Variants in AP1G1 observed in about 807,000 individuals in gnomAD.
AP1G1 encodes the protein adaptor related protein complex 1 subunit gamma 1.
A neutral mutation model predicts 108.3 loss-of-function variants in AP1G1; 7 were observed. The observed-to-expected ratio is 0.06, with a 90% CI of 0.04 to 0.12. AP1G1 has a LOEUF of 0.12. AP1G1 is among the 10% of genes least tolerant of loss of function. The pLI is 1.00. For synonymous variants in AP1G1, 379 were observed against 353.5 expected, an observed-to-expected ratio of 1.07 and a Z score of -0.81; for missense variants, 756 against 1,010.7, an observed-to-expected ratio of 0.75 and a Z score of 3.42.
At chr16:71,774,619 G>A (rs750601851) in intron 2 of AP1G1, 27 bp from the exon 3 acceptor site, 4 of 1,546,364 alleles carry the variant, frequency 2.6e-6, no homozygotes, top group Admixed American at 2.3e-5. Context: ...AAAAAAAGAA[G>A]GAAATTAAAA....
At chr16:71,745,027 T>C in intron 19 of AP1G1, 117 bp downstream of exon 19, 1 of 1,102,674 alleles carries the variant, frequency 9.1e-7, no homozygotes, top group Non-Finnish European at 1.3e-6. Context: ...CTCTTGCTTC[T>C]GATTTAGCCT....
Position 71,808,795 on chromosome 16 carries a change from C to CGGG in AP1G1, c.-39_-37dup. ...AAACCTCGAATGAAACCAGCAGCTC[C>CGGG]GGGGGCGGCGGCAGCAGTGGCAGCA... is the stretch of plus-strand genomic sequence containing the variant. On this transcript the variant is annotated 5_prime_UTR_variant, in exon 1 of 23. Coordinates refer to ENST00000299980, the MANE Select transcript of AP1G1 (RefSeq NM_001128.6). 1 of 1,289,706 alleles carries CGGG rather than the reference C, an allele frequency of 7.8e-7. No individual in the cohort carries two copies. The highest frequency in any genetic ancestry group is 2.3e-5 in the Admixed American group (1 of 43,560). The allele number at this position is 1,289,706 out of a possible 1,614,324, so 79.9% of individuals were successfully genotyped here. A position where few individuals can be genotyped will look rare whatever the true frequency, so the allele number is the denominator to read the frequency against.
rs1278809355 is a variant in AP1G1, at chr16:71,729,298, G to A, written c.*3760C>T. ...ATGAAAATGTAACTTACAACACTAAGAAAGAAAAGGGCCTTTATAGGAACA... is the reference window on the plus strand; with the variant it reads ...ATGAAAATGTAACTTACAACACTAAAAAAGAAAAGGGCCTTTATAGGAACA... On this transcript the variant is annotated 3_prime_UTR_variant, in exon 23 of 23. Coordinates refer to ENST00000299980, the MANE Select transcript of AP1G1 (RefSeq NM_001128.6). The A allele has an allele frequency of 6.6e-6, 1 of 152,182 alleles. No individual in the cohort carries two copies. The highest frequency in any genetic ancestry group is 1.5e-5 in the Non-Finnish European group (1 of 67,922). 9.4% of individuals were successfully genotyped at this position (152,182 alleles called of 1,614,324 possible).
chr16:71,775,286 C>T (rs1251125879), intron 2 of AP1G1, among the ~76,000 whole-genome samples: 1 of 151,920 alleles, frequency 6.6e-6, no homozygotes, highest in African/African-American at 2.4e-5. Flanking sequence ...CCCGCCTCAG[C>T]CTCCCAAAGT....
In AP1G1 at chr16:71,729,433, A is replaced by G. The variant is rs923446293; in HGVS notation, c.*3625T>C. On this transcript the variant is annotated 3_prime_UTR_variant, in exon 23 of 23. Coordinates refer to ENST00000299980, the MANE Select transcript of AP1G1 (RefSeq NM_001128.6). ...GCAACCGCAGGTTCTTTGAGGGAAG[A>G]AAAAAAAAAAAAAAAAAACCAACTC... is the stretch of plus-strand genomic sequence containing the variant. 1.2e-4 allele frequency: 9 copies of G among 72,104 alleles called. No homozygotes were observed. Among genetic ancestry groups the G allele is most frequent in the East Asian group, 3.0e-4 (1 of 3,292 alleles). The allele number at this position is 72,104 out of a possible 1,614,324, so 4.5% of individuals were successfully genotyped here. A position where few individuals can be genotyped will look rare whatever the true frequency, so the allele number is the denominator to read the frequency against.
At chr16:71,797,864 G>A (rs766571115) in intron 1 of AP1G1, among the ~76,000 whole-genome samples, 3 of 152,016 alleles carry the variant, frequency 2.0e-5, no homozygotes, top group Non-Finnish European at 4.4e-5. Context: ...ATGAATCCAA[G>A]TTCTATTAAT....
chr16:71,749,862 T>TC (rs758913758), intron 15 of AP1G1, 32 bp downstream of exon 15: 13 of 1,532,476 alleles, frequency 8.5e-6, no homozygotes, highest in Non-Finnish European at 1.1e-5. Context: ...ACCACTATTT[T>TC]CCCCCACTTA....
intron 1 of AP1G1, among the ~76,000 whole-genome samples, chr16:71,796,898 A>G (rs1460239553): frequency 6.6e-6 from 1 of 152,018 alleles, no homozygotes; most frequent in Non-Finnish European, 1.5e-5. Flanking sequence ...GACTGGGCAC[A>G]GTGGCTCAGG....
intron 17 of AP1G1, 148 bp downstream of exon 17, chr16:71,746,440 A>G: frequency 4.3e-6 from 2 of 464,360 alleles, no homozygotes; most frequent in East Asian, 6.7e-5. Context: ...GAAGATGGAC[A>G]AAACAGAAGC....
chr16:71,768,302 G>C (rs1431710818), intron 6 of AP1G1, among the ~76,000 whole-genome samples: 2 of 148,696 alleles, frequency 1.3e-5, no homozygotes, highest in East Asian at 2.1e-4. Flanking sequence ...GTTCGAACCA[G>C]CCTGGCTAAC....
At chr16:71,790,611 G>A (rs2145528133) in intron 1 of AP1G1, among the ~76,000 whole-genome samples, 1 of 151,162 alleles carries the variant, frequency 6.6e-6, no homozygotes. Flanking sequence ...TTTTAACAAA[G>A]AGGCCAAAGT....
intron 13 of AP1G1, among the ~76,000 whole-genome samples, chr16:71,752,312 G>A (rs2030549830): frequency 6.6e-6 from 1 of 152,114 alleles, no homozygotes; most frequent in Non-Finnish European, 1.5e-5. Context: ...CATTTTGTTA[G>A]ATTATAATTT....
Position 71,794,835 on chromosome 16 carries a change from C to CTTTTCTTTTTTTTT in AP1G1, c.-3-5354_-3-5353insAAAAAAAAAGAAAA, listed in dbSNP as rs2032522793. ...TACCATTCTCAGGCCATGAGAAGTG[C>CTTTTCTTTTTTTTT]TTTTTTTTTTTTTTTTTTTTTTTTT... On this transcript the variant is annotated intron_variant, in intron 1 of 22. Coordinates refer to ENST00000299980, the MANE Select transcript of AP1G1 (RefSeq NM_001128.6). Among the ~76,000 whole-genome samples the CTTTTCTTTTTTTTT allele has an allele frequency of 3.0e-3, 118 of 39,660 alleles. 10 individuals are homozygous for CTTTTCTTTTTTTTT. The highest frequency in any genetic ancestry group is 0.012 in the African/African-American group (117 of 9,550). The allele number at this position is 39,660 out of a possible 152,430, so 26.0% of individuals were successfully genotyped here.
chr16:71,733,020 G>T lies in AP1G1; in HGVS notation c.*38C>A. The T allele has an allele frequency of 6.5e-7, 1 of 1,543,544 alleles. No homozygotes were observed. The highest frequency in any genetic ancestry group is 8.9e-7 in the Non-Finnish European group (1 of 1,119,676). On this transcript the variant is annotated 3_prime_UTR_variant, in exon 23 of 23. Coordinates refer to ENST00000299980, the MANE Select transcript of AP1G1 (RefSeq NM_001128.6). ...ACAACCTCCTTCCCAGAGTTCCTTT[G>T]ATTGAGTGGGATAAAGAATGAGAAT...
At chr16:71,768,538 C>T (rs2031417942) in intron 6 of AP1G1, among the ~76,000 whole-genome samples, 4 of 144,606 alleles carry the variant, frequency 2.8e-5, no homozygotes, top group Admixed American at 2.8e-4. Flanking sequence ...CTTAAGAGAA[C>T]TAAGACTTCC....
rs528083148 is a variant in AP1G1 at position 71,801,858 on chromosome 16, C to G, written c.-4+6905G>C. Among the ~76,000 whole-genome samples the G allele has an allele frequency of 3.9e-4, 58 of 148,652 alleles. 1 individual carries two copies. Among genetic ancestry groups the G allele is most frequent in the South Asian group, 2.9e-3 (14 of 4,752 alleles). On this transcript the variant is annotated intron_variant, in intron 1 of 22. Transcript: ENST00000299980. Reference sequence around the variant, plus strand: ...AATGGCATGAACCCGGGAGGCGGAGCTTGCAGTGAGCCGAGATTGCGCCAC... The same window carrying G: ...AATGGCATGAACCCGGGAGGCGGAGGTTGCAGTGAGCCGAGATTGCGCCAC...
intron 1 of AP1G1, among the ~76,000 whole-genome samples, chr16:71,803,327 T>C (rs889666083): frequency 2.6e-5 from 4 of 152,204 alleles, no homozygotes; most frequent in African/African-American, 9.6e-5. Context: ...ACCTACTTAA[T>C]TTGTTGCCAA....
At position 71,764,666 on chromosome 16, in the gene AP1G1, T is replaced by C. The variant is rs1481016231; in HGVS notation, c.799A>G (p.Met267Val). The C allele has an allele frequency of 5.6e-6, 9 of 1,609,912 alleles. No homozygotes were observed. Among genetic ancestry groups the C allele is most frequent in the Non-Finnish European group, 6.8e-6 (8 of 1,178,708 alleles). Reference sequence around the variant, plus strand: ...CTCACCTGTGCTAATATATCATTCATAGCTTCACTTGAATCATCATCATTT... The same window carrying C: ...CTCACCTGTGCTAATATATCATTCACAGCTTCACTTGAATCATCATCATTT... ...GRNDDDSSEA[M>V]NDILAQVATN... Residue 267 changes from methionine to valine, a missense_variant, in exon 8 of 23, where the codon ATG becomes GTG. This residue lies in a region of AP1G1 where 304 missense variants were observed against 483.6 expected (regional missense o/e 0.63). Coordinates refer to ENST00000299980, the MANE Select transcript of AP1G1 (RefSeq NM_001128.6).
chr16:71,732,878 G>A lies in AP1G1; in HGVS notation c.*180C>T, dbSNP rs960544621. On this transcript the variant is annotated 3_prime_UTR_variant, in exon 23 of 23. Transcript: ENST00000299980. ...CAGCCAGCCTCAACAGTGGAGGAGA[G>A]GACATTAGTCTTTAACAATGCTTCA... 6 of 560,182 alleles carry A rather than the reference G, an allele frequency of 1.1e-5. No homozygotes were observed. The highest frequency in any genetic ancestry group is 6.7e-5 in the Admixed American group (2 of 29,734). The allele number at this position is 560,182 out of a possible 1,614,324, so 34.7% of individuals were successfully genotyped here.
Sources: allele counts gnomAD v4.1 joint callset (sites outside exome capture counted in the v4.1 genomes callset), GRCh38; gene constraint gnomAD v4.1.1; regional missense constraint gnomAD v4.1.1; transcripts MANE v1.5; gene names NCBI Gene and HGNC (gene_info 2026-07-23, HGNC 2026-07-21).